DIPK1A: variants seen among roughly 807,000 people sequenced by gnomAD.
DIPK1A encodes the protein family with sequence similarity 69 member A.
In DIPK1A, 27 loss-of-function variants were observed where a neutral mutation model predicts 40.8. The ratio of observed to expected loss-of-function variants is 0.66; its 90% CI spans 0.49 to 0.91. The LOEUF (loss-of-function observed/expected upper bound fraction) is 0.91, where lower values mean the gene tolerates loss of function less well. DIPK1A is among the 40% of genes least tolerant of loss of function. The probability of loss-of-function intolerance (pLI) is 0.00; values close to 1 mark genes in which losing one functional copy is unlikely to be tolerated. For missense variants in DIPK1A, 412 were observed against 505.7 expected, an observed-to-expected ratio of 0.81 and a Z score of 1.78; for synonymous variants, 166 against 171.3, an observed-to-expected ratio of 0.97 and a Z score of 0.24.
chr1:92,950,265 A>G (rs1386725447), intron 1 of DIPK1A, among the ~76,000 whole-genome samples: 6 of 152,228 alleles, frequency 3.9e-5, no homozygotes, highest in African/African-American at 1.4e-4. Context: ...ACGTTGACAC[A>G]TGAGAGAGAG....
At chr1:92,867,574 C>T (rs1242519835) in intron 2 of DIPK1A, among the ~76,000 whole-genome samples, 4 of 152,184 alleles carry the variant, frequency 2.6e-5, no homozygotes, top group Non-Finnish European at 4.4e-5. Context: ...GGCACAATCT[C>T]AGCTCACTGC....
At chr1:92,923,720 G>A (rs1391018971) in intron 1 of DIPK1A, among the ~76,000 whole-genome samples, 1 of 152,134 alleles carries the variant, frequency 6.6e-6, no homozygotes, top group Non-Finnish European at 1.5e-5. Flanking sequence ...GTCAACATAT[G>A]TACTAGTGGA....
At chr1:92,913,002 G>A (rs1416492056) in intron 1 of DIPK1A, among the ~76,000 whole-genome samples, 1 of 152,098 alleles carries the variant, frequency 6.6e-6, no homozygotes, top group Non-Finnish European at 1.5e-5. Context: ...TACTCAGGAA[G>A]CTAAGGCAGG....
downstream of DIPK1A, chr1:92,840,728 C>A: frequency 1.1e-6 from 1 of 920,720 alleles, no homozygotes; most frequent in African/African-American, 1.6e-5. Flanking sequence ...TGTGCAAACT[C>A]GATCACTAGC....
intron 1 of DIPK1A, among the ~76,000 whole-genome samples, chr1:92,916,521 C>T (rs1205906754): frequency 3.9e-5 from 6 of 151,946 alleles, no homozygotes; most frequent in Admixed American, 3.9e-4. Flanking sequence ...AGGCTGGTCT[C>T]GAACTCCTGA....
intron 4 of DIPK1A, chr1:92,833,558 T>G: frequency 6.2e-7 from 1 of 1,613,810 alleles, no homozygotes; most frequent in Non-Finnish European, 8.5e-7. Flanking sequence ...GTAAAACTGA[T>G]TATTATGCTC....
intron 1 of DIPK1A, among the ~76,000 whole-genome samples, chr1:92,924,225 T>C (rs1483023679): frequency 6.6e-6 from 1 of 152,192 alleles, no homozygotes; most frequent in Non-Finnish European, 1.5e-5. Context: ...TTATTGTTTA[T>C]AGTAGTTTTA....
At chr1:92,917,437 C>A (rs1013282809) in intron 1 of DIPK1A, among the ~76,000 whole-genome samples, 57 of 151,980 alleles carry the variant, frequency 3.8e-4, no homozygotes, top group African/African-American at 1.3e-3. Flanking sequence ...ATTTAATAGA[C>A]CTGAAATGGT....
At chr1:92,837,407 A>G (rs753066236), downstream of DIPK1A, 45 of 1,511,556 alleles carry the variant, frequency 3.0e-5, no homozygotes, top group Non-Finnish European at 1.8e-6. Flanking sequence ...TCTTACTAGT[A>G]AACTAAGTTA....
chr1:92,900,995 T>C (rs779135419), intron 1 of DIPK1A, among the ~76,000 whole-genome samples: 23 of 152,188 alleles, frequency 1.5e-4, no homozygotes, highest in Middle Eastern at 3.4e-3. Flanking sequence ...AGTTGGAACT[T>C]AGTGTGCTGA....
At position 92,844,025 on chromosome 1, in the gene DIPK1A, G is replaced by T. The variant is rs1389265693; in HGVS notation, c.645C>A (p.Thr215=). The T allele has an allele frequency of 1.1e-5, 17 of 1,551,904 alleles. No homozygotes were observed. The highest frequency in any genetic ancestry group is 2.0e-5 in the Admixed American group (1 of 50,960). The change falls in exon 5 of 5, where the codon ACC becomes ACA. Residue 215 remains threonine, a synonymous_variant. Transcript: ENST00000370310. The stretch of plus-strand genomic sequence containing the variant: ...CACCACAGAATCCCATTAATTTGGG[G>T]GTATGTTCTTTATCTTGAAGTATCA... ...LMVILQDKEH[T]PKLMGFCGDL...
At chr1:92,844,434 T>C (rs963104316) in intron 4 of DIPK1A, among the ~76,000 whole-genome samples, 1 of 152,202 alleles carries the variant, frequency 6.6e-6, no homozygotes, top group Admixed American at 6.5e-5. Flanking sequence ...TGTTAGGAAA[T>C]GGCCACTAAC....
chr1:92,841,872 C>G (rs571701737), downstream of DIPK1A: 4 of 1,606,276 alleles, frequency 2.5e-6, no homozygotes, highest in South Asian at 4.4e-5. Context: ...CTAAACCCAG[C>G]AATTTTCTAT....
intron 3 of DIPK1A, among the ~76,000 whole-genome samples, chr1:92,849,374 G>T (rs1687737664): frequency 6.6e-6 from 1 of 151,144 alleles, no homozygotes; most frequent in Non-Finnish European, 1.5e-5. Flanking sequence ...TTGAGACAGG[G>T]TGTCACTCTG....
In DIPK1A at chr1:92,842,769, A is replaced by G. The variant is rs1687427307; in HGVS notation, c.*614T>C. 1.0e-6 allele frequency: 1 copy of G among 985,380 alleles called. No homozygotes were observed. The highest frequency in any genetic ancestry group is 5.2e-4 in the Middle Eastern group (1 of 1,914). 61.0% of individuals were successfully genotyped at this position (985,380 alleles called of 1,614,324 possible). On this transcript the variant is annotated 3_prime_UTR_variant, in exon 5 of 5. Coordinates refer to ENST00000370310, the MANE Select transcript of DIPK1A (RefSeq NM_001006605.5). ...CATTTTTAGTCAATAAAATTGGTGT[A>G]CTGTCAAGTATAAGATTTCTTGAAG...
chr1:92,951,459 C>T (rs918262881), intron 1 of DIPK1A, among the ~76,000 whole-genome samples: 2 of 152,154 alleles, frequency 1.3e-5, no homozygotes, highest in Non-Finnish European at 2.9e-5. Flanking sequence ...AGAAACTCAG[C>T]CCTGGTGACA....
At chr1:92,877,835 C>T (rs1648195950) in intron 1 of DIPK1A, among the ~76,000 whole-genome samples, 1 of 152,186 alleles carries the variant, frequency 6.6e-6, no homozygotes, top group Non-Finnish European at 1.5e-5. Context: ...GAGGTTTGGT[C>T]ATCAGACAGA....
downstream of DIPK1A, chr1:92,840,720 TGCAAACTCGATCACTA>T (rs1687325015): frequency 2.0e-6 from 2 of 1,023,468 alleles, no homozygotes; most frequent in Non-Finnish European, 3.0e-6. Flanking sequence ...GGTGTAATTG[TGCAAACTCGATCACTA>T]GCTCTGCGTG....
chr1:92,931,949 A>G (rs918865652), intron 1 of DIPK1A: 1 of 316,264 alleles, frequency 3.2e-6, no homozygotes, highest in Admixed American at 3.6e-5. Flanking sequence ...GAAGAAATAC[A>G]TCAGGCAAAT....
Sources: allele counts gnomAD v4.1 joint callset (sites outside exome capture counted in the v4.1 genomes callset), GRCh38; gene constraint gnomAD v4.1.1; transcripts MANE v1.5; gene names NCBI Gene and HGNC (gene_info 2026-07-23, HGNC 2026-07-21).